TGS1: variants seen among roughly 807,000 people sequenced by gnomAD.
The protein encoded by TGS1 is trimethylguanosine synthase.
TGS1 carries 69 observed loss-of-function variants against 92.2 expected under a neutral mutation model. The ratio of observed to expected loss-of-function variants is 0.75; its 90% CI spans 0.62 to 0.91. The LOEUF is 0.91. TGS1 is among the 40% of genes least tolerant of loss of function. The pLI is 0.00. For synonymous variants in TGS1, 345 were observed against 338.1 expected (o/e 1.02, Z -0.22); for missense variants, 1,062 against 1,001.2 (o/e 1.06, Z -0.82).
chr8:55,810,719 A>G (rs7816303), intron 10 of TGS1, among the ~76,000 whole-genome samples, 162 bp from the exon 11 acceptor site: 71,340 of 152,136 alleles, frequency 0.47, 17,034 homozygotes, highest in East Asian at 0.59. Context: ...TAAATAAAAA[A>G]TTTAAACTGA....
chr8:55,773,492 G>C lies in TGS1; in HGVS notation c.-127G>C. 1.6e-6 allele frequency: 1 copy of C among 631,308 alleles called. No homozygotes were observed. The highest frequency in any genetic ancestry group is 2.3e-5 in the South Asian group (1 of 43,786). The allele number at this position is 631,308 out of a possible 1,614,324, so 39.1% of individuals were successfully genotyped here. A position where few individuals can be genotyped will look rare whatever the true frequency, so the allele number is the denominator to read the frequency against. On this transcript the variant is annotated 5_prime_UTR_variant, in exon 1 of 13. Transcript: ENST00000260129. The stretch of plus-strand genomic sequence containing the variant: ...GCTAGTTCCCGGCGCGAGCGGCCGC[G>C]GGCCAGTTTCTATCTCCTCATCCAG...
intron 1 of TGS1, among the ~76,000 whole-genome samples, chr8:55,781,435 C>T (rs925955143): frequency 8.5e-5 from 13 of 152,074 alleles, no homozygotes; most frequent in African/African-American, 3.1e-4. Flanking sequence ...AAGTAACCTT[C>T]AACAAGGGGA....
intron 11 of TGS1, among the ~76,000 whole-genome samples, chr8:55,812,257 C>T (rs1585789645): frequency 6.6e-6 from 1 of 151,866 alleles, no homozygotes; most frequent in East Asian, 1.9e-4. Context: ...CCGGGATATG[C>T]TGGGTCACGC....
At chr8:55,812,222 T>C (rs1484427575) in intron 11 of TGS1, among the ~76,000 whole-genome samples, 1 of 152,012 alleles carries the variant, frequency 6.6e-6, no homozygotes, top group East Asian at 1.9e-4. Context: ...TATTTCTAAA[T>C]TGCTATTAAA....
intron 10 of TGS1, among the ~76,000 whole-genome samples, chr8:55,807,186 G>A (rs1453372599): frequency 2.0e-5 from 3 of 151,852 alleles, no homozygotes; most frequent in South Asian, 2.1e-4. Flanking sequence ...CCTCAGCCTC[G>A]CAAAGTGCTG....
At chr8:55,785,603 T>G in intron 2 of TGS1, 116 bp from the exon 3 acceptor site, 1 of 693,130 alleles carries the variant, frequency 1.4e-6, no homozygotes, top group South Asian at 2.9e-5. Context: ...AATTGTAACA[T>G]TTGCATACCT....
At position 55,802,577 on chromosome 8, in the gene TGS1, G is replaced by T. The variant is rs141387842; in HGVS notation, c.1970G>T (p.Arg657Leu). The T allele has an allele frequency of 3.4e-5, 55 of 1,613,344 alleles. No individual in the cohort carries two copies. Among genetic ancestry groups the T allele is most frequent in the Non-Finnish European group, 4.4e-5 (52 of 1,179,852 alleles). The change falls in exon 9 of 13, where the codon CGT becomes CTT. Residue 657 changes from arginine to leucine, a missense_variant. Physicochemically the swap from Arg to Leu is moderately radical, Grantham distance 102 (BLOSUM62 -2). Transcript: ENST00000260129. ...GCCCAGAGGTACAGGCTCTTCTCCC[G>T]TTTTGATGATGGGATTAAGTTGGAC... The part of the protein sequence containing the change: ...YWAQRYRLFS[R>L]FDDGIKLDRE...
chr8:55,773,917 C>T (rs1811298378), intron 1 of TGS1, among the ~76,000 whole-genome samples, 198 bp downstream of exon 1: 1 of 152,182 alleles, frequency 6.6e-6, no homozygotes, highest in African/African-American at 2.4e-5. Flanking sequence ...TGAAGGACTA[C>T]ATCTACTTGG....
chr8:55,780,617 C>A (rs1811535163), intron 1 of TGS1, among the ~76,000 whole-genome samples: 1 of 152,134 alleles, frequency 6.6e-6, no homozygotes, highest in Non-Finnish European at 1.5e-5. Flanking sequence ...ATCCTGTTTT[C>A]CAGTAAACCC....
At chr8:55,814,878 C>T (rs953505292) in intron 12 of TGS1, among the ~76,000 whole-genome samples, 8 of 150,860 alleles carry the variant, frequency 5.3e-5, no homozygotes, top group African/African-American at 1.9e-4. Flanking sequence ...CTCTTTGCTT[C>T]ATGAGTTTTC....
chr8:55,779,009 T>C (rs1000264672), intron 1 of TGS1, among the ~76,000 whole-genome samples: 1 of 152,128 alleles, frequency 6.6e-6, no homozygotes, highest in African/African-American at 2.4e-5. Context: ...ACAATCCAGG[T>C]TGGGTCTTCT....
At chr8:55,811,182 G>C in intron 11 of TGS1, 85 bp downstream of exon 11, 1 of 800,616 alleles carries the variant, frequency 1.2e-6, no homozygotes, top group Non-Finnish European at 2.0e-6. Context: ...AGTGTGGGTG[G>C]GTGGGCAGGG....
At chr8:55,815,069 G>A (rs983172316) in intron 12 of TGS1, among the ~76,000 whole-genome samples, 7 of 152,104 alleles carry the variant, frequency 4.6e-5, no homozygotes, top group East Asian at 1.9e-4. Flanking sequence ...TATATTAAAT[G>A]TAGACAGCCT....
At chr8:55,775,817 C>A (rs543838018) in intron 1 of TGS1, among the ~76,000 whole-genome samples, 2 of 152,134 alleles carry the variant, frequency 1.3e-5, no homozygotes, top group East Asian at 3.9e-4. Flanking sequence ...GAGGGGGACC[C>A]ACCTTTGAGG....
chr8:55,777,473 A>G (rs1034801321), intron 1 of TGS1, among the ~76,000 whole-genome samples: 1 of 151,716 alleles, frequency 6.6e-6, no homozygotes, highest in Non-Finnish European at 1.5e-5. Flanking sequence ...AATTTTGCCC[A>G]TTGGCTATCT....
intron 12 of TGS1, among the ~76,000 whole-genome samples, chr8:55,823,532 TAGA>T (rs1171852330): frequency 2.0e-5 from 3 of 152,030 alleles, no homozygotes; most frequent in East Asian, 1.9e-4. Context: ...GGGCAACAGG[TAGA>T]AGAAGTGATC....
At chr8:55,792,433 C>A (rs1369843572) in intron 5 of TGS1, among the ~76,000 whole-genome samples, 1 of 152,150 alleles carries the variant, frequency 6.6e-6, no homozygotes, top group Non-Finnish European at 1.5e-5. Context: ...TATATTTGTA[C>A]CATACCTAGG....
intron 8 of TGS1, among the ~76,000 whole-genome samples, chr8:55,800,158 T>G (rs1812181642): frequency 6.6e-6 from 1 of 152,150 alleles, no homozygotes; most frequent in Admixed American, 6.6e-5. Flanking sequence ...TTTTTTTTTC[T>G]TAGTGCAAGT....
chr8:55,801,737 T>TA (rs1396743588), intron 8 of TGS1, among the ~76,000 whole-genome samples: 1 of 151,174 alleles, frequency 6.6e-6, no homozygotes, highest in African/African-American at 2.4e-5. Context: ...TACAGGCACC[T>TA]ACCACCACGC....
Sources: gnomAD v4.1 joint callset for allele counts (sites outside exome capture counted in the v4.1 genomes callset) on GRCh38, gnomAD v4.1.1 for gene constraint, MANE v1.5 for transcripts, NCBI Gene and HGNC (gene_info 2026-07-23, HGNC 2026-07-21) for gene names.